Variants in GPM6B observed in about 807,000 individuals in gnomAD.
GPM6B encodes neuronal membrane glycoprotein M6-b.
GPM6B carries 4 observed loss-of-function variants against 27.2 expected under a neutral mutation model. The observed-to-expected ratio is 0.15, with a 90% CI of 0.07 to 0.34. The LOEUF (loss-of-function observed/expected upper bound fraction) is 0.34. Among genes scored for constraint, GPM6B ranks in the 10% least tolerant of loss-of-function variants. GPM6B has a pLI of 1.00. For missense variants in GPM6B, 183 were observed against 261.9 expected, an observed-to-expected ratio of 0.70 and a Z score of 2.08; for synonymous variants, 124 against 103.1, an observed-to-expected ratio of 1.20 and a Z score of -1.23.
intron 4 of GPM6B, 29 bp downstream of exon 4, chrX:13,783,336 A>T: frequency 8.8e-7 from 1 of 1,134,074 alleles, no homozygotes; most frequent in South Asian, 2.1e-5. Flanking sequence ...TTGTATATCA[A>T]ACAATCAGTT....
chrX:13,783,394 T>C lies in GPM6B; in HGVS notation c.496A>G (p.Thr166Ala). ...CCACTGATGCATCGGCCACAAGCGGTTGTTTTAAACTCACCGTGCAGTTCT... is the reference window on the plus strand; with the variant it reads ...CCACTGATGCATCGGCCACAAGCGGCTGTTTTAAACTCACCGTGCAGTTCT... ...VKELHGEFKT[T>A]ACGRCISGMF... is the part of the protein sequence containing the mutation. Residue 166 changes from threonine (T) to alanine (A), a missense_variant, in exon 4 of 8, where the codon ACC becomes GCC. Transcript: ENST00000316715. 1 of 1,199,253 alleles carries C rather than the reference T, an allele frequency of 8.3e-7. No individual in the cohort carries two copies. The highest frequency in any genetic ancestry group is 2.3e-5 in the Admixed American group (1 of 43,815).
intron 2 of GPM6B, among the ~76,000 whole-genome samples, chrX:13,791,584 C>T (rs1279790599): frequency 9.0e-6 from 1 of 111,111 alleles, no homozygotes; most frequent in African/African-American, 3.3e-5. Flanking sequence ...TGTACATTAG[C>T]CTAAGACAGT....
At chrX:13,937,416 A>C (rs1357282826) in intron 1 of GPM6B, among the ~76,000 whole-genome samples, 2 of 111,640 alleles carry the variant, frequency 1.8e-5, no homozygotes, top group African/African-American at 6.5e-5. Context: ...AAAGAGGGGG[A>C]TGAATGATTA....
At chrX:13,776,940 A>G (rs868570759) in intron 6 of GPM6B, among the ~76,000 whole-genome samples, 3 of 111,805 alleles carry the variant, frequency 2.7e-5, no homozygotes, top group Non-Finnish European at 5.7e-5. Flanking sequence ...AAATTCCTCT[A>G]TGAAATAGAG....
chrX:13,896,329 A>T (rs1281194120), intron 1 of GPM6B, among the ~76,000 whole-genome samples: 2 of 107,854 alleles, frequency 1.9e-5, no homozygotes, highest in Non-Finnish European at 3.8e-5. Context: ...AACTACCATG[A>T]CTCCTATGAA....
Position 13,772,873 on chromosome X carries a change from G to A in GPM6B, c.*8C>T. On this transcript the variant is annotated 3_prime_UTR_variant, in exon 8 of 8. Transcript: ENST00000316715. ...TAAATACGTCGGCCGAAACACTCTG[G>A]CAAACATTTATGTGTAAGAATTGAG... 1.7e-6 allele frequency: 2 copies of A among 1,208,041 alleles called. No individual in the cohort carries two copies. The highest frequency in any genetic ancestry group is 2.2e-6 in the Non-Finnish European group (2 of 892,877).
At chrX:13,831,547 C>T (rs2049439871) in intron 1 of GPM6B, among the ~76,000 whole-genome samples, 1 of 111,125 alleles carries the variant, frequency 9.0e-6, no homozygotes, top group African/African-American at 3.3e-5. Context: ...CATCACCACT[C>T]CTATTGACCT....
chrX:13,931,775 A>G (rs369526925), intron 1 of GPM6B, among the ~76,000 whole-genome samples: 11 of 111,986 alleles, frequency 9.8e-5, no homozygotes, highest in African/African-American at 3.6e-4. Context: ...TCCCTGACCA[A>G]ATCGTATTTC....
intron 1 of GPM6B, among the ~76,000 whole-genome samples, chrX:13,831,916 C>T (rs751547985): frequency 9.0e-5 from 10 of 111,195 alleles, no homozygotes; most frequent in Non-Finnish European, 1.9e-4. Flanking sequence ...AAATTTAGTG[C>T]TATCAAATAT....
intron 2 of GPM6B, among the ~76,000 whole-genome samples, chrX:13,795,268 C>G (rs1172427767): frequency 8.9e-6 from 1 of 112,345 alleles, no homozygotes; most frequent in African/African-American, 3.2e-5. Flanking sequence ...AGTGCAAGAT[C>G]AAGCAATGAA....
intron 1 of GPM6B, among the ~76,000 whole-genome samples, chrX:13,912,017 T>C (rs759371940): frequency 3.6e-5 from 4 of 111,877 alleles, no homozygotes; most frequent in Admixed American, 2.9e-4. Context: ...TTGTGACATT[T>C]AAGACATTAT....
intron 1 of GPM6B, among the ~76,000 whole-genome samples, chrX:13,812,044 C>CTTTTTTTTTTTTTTTTTT (rs752162419): frequency 2.4e-5 from 2 of 82,667 alleles, no homozygotes; most frequent in Non-Finnish European, 2.3e-5. Context: ...CTTTTCTTTT[C>CTTTTTTTTTTTTTTTTTT]TTTCTTTTTT....
intron 1 of GPM6B, among the ~76,000 whole-genome samples, chrX:13,874,846 G>T (rs986165547): frequency 3.6e-5 from 4 of 111,812 alleles, no homozygotes; most frequent in Non-Finnish European, 7.5e-5. Context: ...TGGTCGTTGT[G>T]AAGACTAAAC....
intron 1 of GPM6B, among the ~76,000 whole-genome samples, chrX:13,898,980 T>C (rs1412067533): frequency 8.9e-6 from 1 of 112,072 alleles, no homozygotes; most frequent in Non-Finnish European, 1.9e-5. Flanking sequence ...GAACATGCCT[T>C]TTCAACACAG....
At chrX:13,839,942 A>T (rs1253935562) in intron 1 of GPM6B, among the ~76,000 whole-genome samples, 1 of 111,747 alleles carries the variant, frequency 8.9e-6, no homozygotes, top group Non-Finnish European at 1.9e-5. Flanking sequence ...CTATAAAGCT[A>T]TGCAGATCAA....
chrX:13,891,091 T>C (rs1176869162), intron 1 of GPM6B, among the ~76,000 whole-genome samples: 1 of 111,374 alleles, frequency 9.0e-6, no homozygotes, highest in African/African-American at 3.3e-5. Context: ...AACTAGTGTT[T>C]AGATTGATGC....
intron 1 of GPM6B, among the ~76,000 whole-genome samples, chrX:13,837,933 G>C (rs762005828): frequency 5.3e-4 from 58 of 110,133 alleles, no homozygotes; most frequent in African/African-American, 1.3e-3. Context: ...TAAATTCTTT[G>C]ATTAAAAAAA....
chrX:13,834,344 C>G (rs1337663342), intron 1 of GPM6B, among the ~76,000 whole-genome samples: 1 of 112,580 alleles, frequency 8.9e-6, no homozygotes, highest in African/African-American at 3.2e-5. Flanking sequence ...ACATCTTTGC[C>G]AAGCCACATT....
At chrX:13,794,519 G>C (rs1471301105) in intron 2 of GPM6B, among the ~76,000 whole-genome samples, 1 of 111,088 alleles carries the variant, frequency 9.0e-6, no homozygotes, top group Non-Finnish European at 1.9e-5. Flanking sequence ...CCTTGCAGGA[G>C]GACTGTGAAG....
Sources: gnomAD v4.1 joint callset for allele counts (sites outside exome capture counted in the v4.1 genomes callset) on GRCh38, gnomAD v4.1.1 for gene constraint, MANE v1.5 for transcripts, NCBI Gene and HGNC (gene_info 2026-07-23, HGNC 2026-07-21) for gene names.